MAMLD1: variants seen among roughly 807,000 people sequenced by gnomAD.
The protein encoded by MAMLD1 is mastermind-like domain-containing protein 1.
MAMLD1 carries 14 observed loss-of-function variants against 45.0 expected under a neutral mutation model. The ratio of observed to expected loss-of-function variants is 0.31; its 90% CI spans 0.21 to 0.49. The LOEUF is 0.49. Ranked by LOEUF, MAMLD1 falls within the 20% of genes least tolerant of loss-of-function variation. The probability of loss-of-function intolerance (pLI) is 0.99; values close to 1 mark genes in which losing one functional copy is unlikely to be tolerated. For synonymous variants in MAMLD1, 254 were observed against 247.8 expected, an observed-to-expected ratio of 1.02 and a Z score of -0.24; for missense variants, 543 against 603.6, an observed-to-expected ratio of 0.90 and a Z score of 1.05.
chrX:150,391,222 T>A (rs985693525), intron 1 of MAMLD1, among the ~76,000 whole-genome samples: 3 of 111,299 alleles, frequency 2.7e-5, no homozygotes, highest in Non-Finnish European at 3.8e-5. Context: ...ATTTTGAAAA[T>A]TTTCAGCCAT....
intron 1 of MAMLD1, among the ~76,000 whole-genome samples, chrX:150,374,193 A>G (rs781837064): frequency 8.9e-6 from 1 of 112,783 alleles, no homozygotes; most frequent in Admixed American, 9.3e-5. Context: ...GTTGCATCTA[A>G]TTTAGGGTAC....
chrX:150,379,637 A>G (rs1277889061), intron 1 of MAMLD1, among the ~76,000 whole-genome samples: 2 of 112,293 alleles, frequency 1.8e-5, no homozygotes, highest in African/African-American at 3.2e-5. Context: ...CAGAAAAGTG[A>G]CATCTCCCAT....
intron 5 of MAMLD1, among the ~76,000 whole-genome samples, chrX:150,482,031 A>AGAAAGAAT (rs2036831210): frequency 2.8e-5 from 3 of 107,744 alleles, no homozygotes; most frequent in East Asian, 2.9e-4. Flanking sequence ...AAAGAAAGAA[A>AGAAAGAAT]GAATTGAAAG....
chrX:150,437,357 G>A (rs1280404214), intron 1 of MAMLD1, among the ~76,000 whole-genome samples: 2 of 111,804 alleles, frequency 1.8e-5, no homozygotes, highest in African/African-American at 6.5e-5. Context: ...TTTAAAATGT[G>A]TGCATTTTAT....
chrX:150,370,876 G>A (rs1403137706), intron 1 of MAMLD1, among the ~76,000 whole-genome samples: 3 of 112,327 alleles, frequency 2.7e-5, no homozygotes, highest in Admixed American at 1.9e-4. Context: ...TAGGCACTGA[G>A]CTCCCAGAGT....
chrX:150,391,532 C>T (rs2033179926), intron 1 of MAMLD1, among the ~76,000 whole-genome samples: 1 of 111,623 alleles, frequency 9.0e-6, no homozygotes, highest in Non-Finnish European at 1.9e-5. Context: ...TTGTATTTTT[C>T]AGTTCTTTAA....
intron 1 of MAMLD1, among the ~76,000 whole-genome samples, chrX:150,384,535 T>C (rs1349507931): frequency 6.2e-5 from 7 of 112,002 alleles, no homozygotes; most frequent in Non-Finnish European, 1.3e-4. Context: ...GATATAAGAG[T>C]TGCAAATATT....
In MAMLD1 at chrX:150,469,843, T is replaced by A. The variant is rs149710130; in HGVS notation, c.270T>A (p.Asp90Glu). 21 of 1,209,887 alleles carry A rather than the reference T, an allele frequency of 1.7e-5. No individual in the cohort carries two copies. The highest frequency in any genetic ancestry group is 2.2e-5 in the Non-Finnish European group (20 of 895,115). The change falls in exon 4 of 8, where the codon GAT becomes GAA. Residue 90 changes from aspartate to glutamate, a missense_variant. By Grantham distance (45) the Asp-to-Glu change is conservative. Transcript: ENST00000370401. ...PNKIKRPCLEDVTLAMGPGAH... is the reference protein window; with the variant it reads ...PNKIKRPCLEEVTLAMGPGAH... ...AAATTAAGAGGCCTTGCCTTGAAGA[T>A]GTCACCCTTGCAATGGGCCCAGGTG...
chrX:150,464,135 C>T (rs1557405767), intron 3 of MAMLD1, among the ~76,000 whole-genome samples: 2 of 111,824 alleles, frequency 1.8e-5, no homozygotes, highest in Non-Finnish European at 3.8e-5. Flanking sequence ...GGCTTGCCCA[C>T]AGCCACACAA....
intron 1 of MAMLD1, among the ~76,000 whole-genome samples, chrX:150,401,285 CAGAG>C (rs2033747517): frequency 9.4e-6 from 1 of 106,045 alleles, no homozygotes. Context: ...AACAGACAAA[CAGAG>C]AGCCAAATCA....
chrX:150,442,515 T>C (rs2035351665), intron 1 of MAMLD1, among the ~76,000 whole-genome samples: 1 of 111,694 alleles, frequency 9.0e-6, no homozygotes, highest in African/African-American at 3.2e-5. Flanking sequence ...AATAATCTAC[T>C]GGTGTCAACA....
chrX:150,374,799 A>G (rs782668501), intron 1 of MAMLD1, among the ~76,000 whole-genome samples: 3 of 111,782 alleles, frequency 2.7e-5, no homozygotes, highest in African/African-American at 9.7e-5. Context: ...AAGTGAGAAA[A>G]TGGGATCTGA....
intron 1 of MAMLD1, among the ~76,000 whole-genome samples, chrX:150,403,939 G>GAAAAGAAAGA (rs2033896966): frequency 6.7e-5 from 2 of 30,071 alleles, no homozygotes; most frequent in Non-Finnish European, 1.4e-4. Flanking sequence ...GAGAAAGAAA[G>GAAAAGAAAGA]AAAAGAAAGA....
chrX:150,493,159 G>A (rs1444615081), intron 5 of MAMLD1, among the ~76,000 whole-genome samples: 1 of 111,427 alleles, frequency 9.0e-6, no homozygotes, highest in Non-Finnish European at 1.9e-5. Context: ...ACCTCGGAAG[G>A]GTCGGCATTC....
chrX:150,455,022 A>G, intron 2 of MAMLD1, among the ~76,000 whole-genome samples: 1 of 108,617 alleles, frequency 9.2e-6, no homozygotes, highest in African/African-American at 3.3e-5. Context: ...GTACACGTAC[A>G]TGGTTATATG....
intron 1 of MAMLD1, among the ~76,000 whole-genome samples, chrX:150,369,206 G>C (rs2031765128): frequency 9.1e-6 from 1 of 110,423 alleles, no homozygotes; most frequent in Non-Finnish European, 1.9e-5. Context: ...ATTAGCCTAG[G>C]AGCTGGGAAA....
chrX:150,455,667 G>T (rs1473822047), intron 2 of MAMLD1, among the ~76,000 whole-genome samples: 2 of 111,563 alleles, frequency 1.8e-5, no homozygotes, highest in Admixed American at 1.9e-4. Flanking sequence ...TAGAGACAAG[G>T]TTTAAACAGA....
chrX:150,427,348 C>T (rs1322713852), intron 1 of MAMLD1, among the ~76,000 whole-genome samples: 3 of 112,252 alleles, frequency 2.7e-5, no homozygotes, highest in Admixed American at 9.4e-5. Context: ...TTATCTTCAC[C>T]CAAGTAGATG....
In MAMLD1 at chrX:150,401,264, T is replaced by G. The variant is rs1236941269; in HGVS notation, c.-64+37734T>G. Among the ~76,000 whole-genome samples the G allele has an allele frequency of 1.9e-4, 21 of 107,899 alleles. No individual in the cohort carries two copies. In the East Asian group the frequency reaches 2.0e-3, roughly 10 times the overall value. The allele number at this position is 107,899 out of a possible 115,157, so 93.7% of individuals were successfully genotyped here. On this transcript the variant is annotated intron_variant, in intron 1 of 7. Transcript: ENST00000370401. ...AATGTACAAAAATCACAAGCATTCT[T>G]ATACACCAACAACAGACAAACAGAG...
Sources: gnomAD v4.1 joint callset for allele counts (sites outside exome capture counted in the v4.1 genomes callset) on GRCh38, gnomAD v4.1.1 for gene constraint, MANE v1.5 for transcripts, NCBI Gene and HGNC (gene_info 2026-07-23, HGNC 2026-07-21) for gene names.